The following MEF2A variants were observed in gnomAD, a reference collection of about 807,000 sequenced individuals.
MEF2A encodes the protein myocyte enhancer factor 2A, also known as myocyte-specific enhancer factor 2A.
Under a neutral mutation model 55.8 loss-of-function variants are expected in MEF2A, and 28 were observed. That is an observed-to-expected ratio of 0.50 (90% CI 0.37 to 0.69). The LOEUF (loss-of-function observed/expected upper bound fraction) is 0.69, where lower values mean the gene tolerates loss of function less well. Ranked by LOEUF, MEF2A falls within the 30% of genes least tolerant of loss-of-function variation. The probability of loss-of-function intolerance (pLI) is 0.00; values close to 1 mark genes in which losing one functional copy is unlikely to be tolerated. For missense variants in MEF2A, 528 were observed against 626.2 expected (o/e 0.84, Z 1.67); for synonymous variants, 239 against 227.1 (o/e 1.05, Z -0.47).
At chr15:99,610,608 A>T (rs951314346) in intron 2 of MEF2A, among the ~76,000 whole-genome samples, 4 of 152,166 alleles carry the variant, frequency 2.6e-5, no homozygotes, top group Non-Finnish European at 5.9e-5. Flanking sequence ...TAAACAGATC[A>T]ATGGGACAGA....
rs780350970 is a variant in MEF2A at position 99,710,770 on chromosome 15, TAGA to T, written c.1136+13_1136+15del. 2 of 1,591,850 alleles carry T rather than the reference TAGA, an allele frequency of 1.3e-6. No individual in the cohort carries two copies. Among genetic ancestry groups the T allele is most frequent in the African/African-American group, 1.3e-5 (1 of 74,696 alleles). ...CCCTCAGCTCTCTTGTGTGAGTAAC[TAGA>T]AGTTTTCCCTGCATCTTTACTCCTG... On this transcript the variant is annotated intron_variant, in intron 11 of 11. Transcript: ENST00000557942.
At chr15:99,670,503 G>A (rs904598918) in intron 4 of MEF2A, among the ~76,000 whole-genome samples, 1 of 152,076 alleles carries the variant, frequency 6.6e-6, no homozygotes, top group Non-Finnish European at 1.5e-5. Context: ...CCAGCTACTC[G>A]GGAGGCTGAG....
chr15:99,579,018 C>G (rs765725196), intron 1 of MEF2A, among the ~76,000 whole-genome samples: 1 of 152,178 alleles, frequency 6.6e-6, no homozygotes, highest in Non-Finnish European at 1.5e-5. Flanking sequence ...AAACCTAACA[C>G]CAGATGTGGA....
At chr15:99,653,900 A>C (rs2047255803) in intron 4 of MEF2A, among the ~76,000 whole-genome samples, 1 of 152,092 alleles carries the variant, frequency 6.6e-6, no homozygotes, top group Non-Finnish European at 1.5e-5. Context: ...TTCTGGGCTT[A>C]AGTGTTATTT....
At chr15:99,658,813 A>G (rs2048169263) in intron 4 of MEF2A, among the ~76,000 whole-genome samples, 1 of 152,176 alleles carries the variant, frequency 6.6e-6, no homozygotes, top group Non-Finnish European at 1.5e-5. Flanking sequence ...AAATTTCGAC[A>G]GGGAAAGCAT....
chr15:99,584,152 C>T (rs139328333), intron 1 of MEF2A, among the ~76,000 whole-genome samples: 2 of 152,236 alleles, frequency 1.3e-5, no homozygotes, highest in African/African-American at 4.8e-5. Flanking sequence ...TAATATAGCA[C>T]AGCTCCATTA....
intron 3 of MEF2A, among the ~76,000 whole-genome samples, chr15:99,642,809 T>C (rs966956820): frequency 2.6e-5 from 4 of 152,242 alleles, no homozygotes; most frequent in Non-Finnish European, 4.4e-5. Flanking sequence ...AAGAACTCAG[T>C]GTGAATTCTC....
chr15:99,584,527 C>T (rs1347784945), intron 1 of MEF2A, among the ~76,000 whole-genome samples: 2 of 151,224 alleles, frequency 1.3e-5, no homozygotes, highest in African/African-American at 4.9e-5. Flanking sequence ...TAGATATGTG[C>T]TGCAACAGGG....
chr15:99,598,588 T>C (rs1433557306), intron 2 of MEF2A, 77 bp downstream of exon 2: 1 of 152,138 alleles, frequency 6.6e-6, no homozygotes, highest in East Asian at 1.9e-4. Flanking sequence ...TCTTGTGAGA[T>C]TGAATGGCAG....
rs1453930877 is a variant in MEF2A, at chr15:99,687,073, T to C, written c.671-3168T>C. 3.4e-5 allele frequency among the ~76,000 whole-genome samples: 5 copies of C among 147,924 alleles called. No homozygotes were observed. In the East Asian group the frequency reaches 9.8e-4, roughly 29 times the overall value. On this transcript the variant is annotated intron_variant, in intron 7 of 11. Coordinates refer to ENST00000557942, the MANE Select transcript of MEF2A (RefSeq NM_001319206.4). ...ACTACAGGTGCACACCACCATGTCC[T>C]ATTAATTTTTCTTTTTTTTTTTTTT...
chr15:99,577,408 A>G (rs1002118462), intron 1 of MEF2A, among the ~76,000 whole-genome samples: 4 of 54,690 alleles, frequency 7.3e-5, no homozygotes, highest in African/African-American at 1.4e-4. Flanking sequence ...AGGTGCTGCA[A>G]GGCTTGGCTT....
intron 1 of MEF2A, among the ~76,000 whole-genome samples, chr15:99,591,444 C>G (rs772401267): frequency 3.9e-5 from 6 of 152,032 alleles, no homozygotes; most frequent in Non-Finnish European, 8.8e-5. Flanking sequence ...CTTTCCACTT[C>G]TTTGGCTTCT....
At position 99,675,430 on chromosome 15, in the gene MEF2A, G is replaced by A. The variant is rs1402720540; in HGVS notation, c.642G>A (p.Val214=). The A allele has an allele frequency of 6.2e-7, 1 of 1,613,972 alleles. No homozygotes were observed. The highest frequency in any genetic ancestry group is 1.1e-5 in the South Asian group (1 of 91,084). The change falls in exon 7 of 12, where the codon GTG becomes GTA. Residue 214 remains valine (V), a synonymous_variant. Coordinates refer to ENST00000557942, the MANE Select transcript of MEF2A (RefSeq NM_001319206.4). ...TGTTGAGCACTACAGACCTCACAGT[G>A]CCAAATGGAGCTGGAAGCAGTCCAG... is the stretch of plus-strand genomic sequence containing the variant. The part of the protein sequence containing the change: ...GGMLSTTDLT[V]PNGAGSSPVG...
intron 2 of MEF2A, among the ~76,000 whole-genome samples, chr15:99,618,390 A>G (rs2040557601): frequency 6.6e-6 from 1 of 152,190 alleles, no homozygotes; most frequent in South Asian, 2.1e-4. Context: ...TAAATGTGAT[A>G]TATAATCCTG....
chr15:99,634,596 C>T (rs1375513948), intron 3 of MEF2A, among the ~76,000 whole-genome samples: 2 of 152,076 alleles, frequency 1.3e-5, no homozygotes, highest in African/African-American at 2.4e-5. Flanking sequence ...CATAGATAGT[C>T]GTGTTTAAAT....
intron 4 of MEF2A, among the ~76,000 whole-genome samples, chr15:99,653,583 G>A (rs1318884429): frequency 6.6e-6 from 1 of 151,964 alleles, no homozygotes; most frequent in Non-Finnish European, 1.5e-5. Context: ...GTATGCTAAG[G>A]GTATTTTATA....
intron 4 of MEF2A, among the ~76,000 whole-genome samples, chr15:99,664,843 T>C (rs1436065867): frequency 2.6e-5 from 4 of 152,212 alleles, no homozygotes; most frequent in Non-Finnish European, 1.5e-5. Flanking sequence ...AGTTGCAGAT[T>C]AGATTTGGAT....
At chr15:99,710,278 G>A (rs1056389164) in intron 10 of MEF2A, among the ~76,000 whole-genome samples, 1 of 152,144 alleles carries the variant, frequency 6.6e-6, no homozygotes, top group Non-Finnish European at 1.5e-5. Context: ...GAAGTCTGTT[G>A]CCCAGGCTGG....
At chr15:99,591,852 TTTTTG>T (rs1969403375) in intron 1 of MEF2A, among the ~76,000 whole-genome samples, 1 of 152,186 alleles carries the variant, frequency 6.6e-6, no homozygotes, top group Admixed American at 6.5e-5. Context: ...ATCATTTTCT[TTTTTG>T]TTCCTTTAAA....
Sources: allele counts gnomAD v4.1 joint callset (sites outside exome capture counted in the v4.1 genomes callset), GRCh38; gene constraint gnomAD v4.1.1; transcripts MANE v1.5; gene names NCBI Gene and HGNC (gene_info 2026-07-23, HGNC 2026-07-21).